Variants in NFIC observed in about 807,000 individuals in gnomAD.
NFIC encodes the protein nuclear factor I C.
NFIC carries 12 observed loss-of-function variants against 54.4 expected under a neutral mutation model. The ratio of observed to expected loss-of-function variants is 0.22; its 90% confidence interval spans 0.14 to 0.36. The LOEUF (loss-of-function observed/expected upper bound fraction) is 0.36, where lower values mean the gene tolerates loss of function less well. NFIC is among the 10% of genes least tolerant of loss of function. The pLI, the probability that NFIC is intolerant of heterozygous loss-of-function variation, is 1.00. For synonymous variants in NFIC, 322 were observed against 319.2 expected (o/e 1.01, Z -0.09); for missense variants, 575 against 718.2 (o/e 0.80, Z 2.28).
At position 3,453,932 on chromosome 19, in the gene NFIC, G is replaced by T. The variant is rs922455917; in HGVS notation, c.1423+16G>T. Reference sequence around the variant, plus strand: ...ACCTCGCCTTGTAAGCACGCGGGAAGCGGTGCCCTGGTGGGGCGGATGTCC... The same window carrying T: ...ACCTCGCCTTGTAAGCACGCGGGAATCGGTGCCCTGGTGGGGCGGATGTCC... On this transcript the variant is annotated intron_variant, in intron 9 of 10. Coordinates refer to ENST00000443272, the MANE Select transcript of NFIC (RefSeq NM_001245002.2). This position sits in a 1 kb window ranked among gnomAD's most constrained non-coding sequence, Gnocchi z 6.7. The T allele has an allele frequency of 6.6e-6, 10 of 1,515,084 alleles. No individual in the cohort carries two copies. Among genetic ancestry groups the T allele is most frequent in the Admixed American group, 2.3e-5 (1 of 43,580 alleles). The allele number at this position is 1,515,084 out of a possible 1,614,324, so 93.9% of individuals were successfully genotyped here.
At chr19:3,367,829 A>G (rs147613186) in intron 1 of NFIC, among the ~76,000 whole-genome samples, 4,267 of 152,260 alleles carry the variant, frequency 0.028, 94 homozygotes, top group South Asian at 0.045. Context: ...GCCCGTCTTA[A>G]GAAGCACTGT....
At position 3,381,702 on chromosome 19, in the gene NFIC, C is replaced by T. The variant is rs2081212461; in HGVS notation, c.31-10C>T. The T allele has an allele frequency of 3.7e-6, 6 of 1,612,628 alleles. No homozygotes were observed. Among genetic ancestry groups the T allele is most frequent in the African/African-American group, 1.3e-5 (1 of 74,928 alleles). Reference sequence around the variant, plus strand: ...TGGCGCTCCTGACCTCTCGCCTCTCCGGCCTGCAGGATGAGTTCCACCCGT... The same window carrying T: ...TGGCGCTCCTGACCTCTCGCCTCTCTGGCCTGCAGGATGAGTTCCACCCGT... On this transcript the variant is annotated splice_polypyrimidine_tract_variant and intron_variant, in intron 1 of 10. Transcript: ENST00000443272.
intron 6 of NFIC, among the ~76,000 whole-genome samples, chr19:3,446,041 C>G (rs2082369285): frequency 6.6e-6 from 1 of 151,526 alleles, no homozygotes; most frequent in Admixed American, 6.6e-5. Context: ...AGAGACCGAT[C>G]TGGCCCCCAC....
At chr19:3,395,125 G>A (rs1270866538) in intron 2 of NFIC, among the ~76,000 whole-genome samples, 9 of 152,092 alleles carry the variant, frequency 5.9e-5, no homozygotes, top group Admixed American at 2.0e-4. Flanking sequence ...TTGGGAAGCC[G>A]AGACGGGCGG....
intron 1 of NFIC, among the ~76,000 whole-genome samples, chr19:3,359,868 C>T (rs1405574235): frequency 1.3e-5 from 2 of 150,696 alleles, no homozygotes; most frequent in African/African-American, 2.4e-5. Context: ...CCCCCCGCAC[C>T]CCGGCTGGGG....
chr19:3,456,796 C>T (rs1385655230), intron 10 of NFIC, 161 bp downstream of exon 10: 5 of 715,256 alleles, frequency 7.0e-6, no homozygotes, highest in Middle Eastern at 2.4e-4. Flanking sequence ...CCCACCTGGC[C>T]TCTCCCTGAG....
At chr19:3,428,063 G>A (rs1189577522) in intron 3 of NFIC, among the ~76,000 whole-genome samples, 3 of 151,894 alleles carry the variant, frequency 2.0e-5, no homozygotes, top group African/African-American at 4.8e-5. Context: ...CCAGCTACCC[G>A]AGAGGCTGAG....
intron 6 of NFIC, among the ~76,000 whole-genome samples, chr19:3,436,026 C>T (rs2082196596): frequency 6.6e-6 from 1 of 151,792 alleles, no homozygotes; most frequent in Non-Finnish European, 1.5e-5. Flanking sequence ...CGGGGTTTCA[C>T]CATGTTGGTC....
intron 5 of NFIC, 75 bp from the exon 6 acceptor site, chr19:3,435,008 T>A: frequency 6.8e-7 from 1 of 1,472,182 alleles, no homozygotes; most frequent in South Asian, 1.3e-5. Context: ...GGACCGGAAG[T>A]AGCAAAGCCC....
rs2082499256 is a variant in NFIC, at chr19:3,453,414, G to A, written c.1270-349G>A. On this transcript the variant is annotated intron_variant, in intron 8 of 10. Coordinates refer to ENST00000443272, the MANE Select transcript of NFIC (RefSeq NM_001245002.2). The surrounding 1 kb of genome is among the most constrained non-coding windows in gnomAD (Gnocchi z 6.7). ...GCCGTGGATGATGGTGGATGATGGC[G>A]TGCTCGCAGTGAATTAGGAAAAACG... 1.3e-5 allele frequency among the ~76,000 whole-genome samples: 2 copies of A among 152,194 alleles called. No individual in the cohort carries two copies. The highest frequency in any genetic ancestry group is 2.9e-5 in the Non-Finnish European group (2 of 68,034).
intron 1 of NFIC, chr19:3,359,763 G>T: frequency 7.5e-7 from 1 of 1,329,950 alleles, no homozygotes; most frequent in East Asian, 3.3e-5. Context: ...AAAGTTGCAA[G>T]ATCTGGGGGG....
At chr19:3,444,830 C>T (rs1288629307) in intron 6 of NFIC, among the ~76,000 whole-genome samples, 1 of 152,220 alleles carries the variant, frequency 6.6e-6, no homozygotes, top group African/African-American at 2.4e-5. Flanking sequence ...TGCACACACG[C>T]ATGCATGCTC....
intron 2 of NFIC, among the ~76,000 whole-genome samples, chr19:3,415,957 G>C (rs1341988793): frequency 1.3e-5 from 2 of 151,940 alleles, no homozygotes; most frequent in Non-Finnish European, 2.9e-5. Context: ...TGGAGTTTGA[G>C]TTCAGCCTGG....
In NFIC at chr19:3,452,782, C is replaced by A; in HGVS notation, c.1269+116C>A. ...TTAAAAGGGTCTTGAGGACTTGGCT[C>A]TGAAGTCCCCTCCTCTGTCGTGCTG... On this transcript the variant is annotated intron_variant, in intron 8 of 10. Transcript: ENST00000443272. This position sits in a 1 kb window ranked among gnomAD's most constrained non-coding sequence, Gnocchi z 5.3. 1 of 1,230,688 alleles carries A rather than the reference C, an allele frequency of 8.1e-7. No homozygotes were observed. Among genetic ancestry groups the A allele is most frequent in the East Asian group, 2.4e-5 (1 of 41,358 alleles). The allele number at this position is 1,230,688 out of a possible 1,614,324, so 76.2% of individuals were successfully genotyped here.
chr19:3,433,544 G>C lies in NFIC; in HGVS notation c.661G>C (p.Val221Leu), dbSNP rs2082153850. 6.2e-7 allele frequency: 1 copy of C among 1,613,966 alleles called. No individual in the cohort carries two copies. The highest frequency in any genetic ancestry group is 2.2e-5 in the East Asian group (1 of 44,878). The change falls in exon 4 of 11, where the codon GTC becomes CTC. Residue 221 changes from valine to leucine, a missense_variant. This residue lies in a region of NFIC where 447 missense variants were observed against 526.9 expected (regional missense o/e 0.85). Coordinates refer to ENST00000443272, the MANE Select transcript of NFIC (RefSeq NM_001245002.2). ...CACGACCGACTTCCAGGAGAGCTTT[G>C]TCACCTCCGGCGTGTTCAGCGTCAC... ...LDTTDFQESFVTSGVFSVTEL... is the reference protein window; with the variant it reads ...LDTTDFQESFLTSGVFSVTEL...
rs1204480718 is a variant in NFIC at position 3,469,118 on chromosome 19, A to G, written c.*6349A>G. 1 of 152,232 alleles carries G rather than the reference A, an allele frequency of 6.6e-6. No homozygotes were observed. The highest frequency in any genetic ancestry group is 2.1e-4 in the South Asian group (1 of 4,830). The allele number at this position is 152,232 out of a possible 1,614,324, so 9.4% of individuals were successfully genotyped here. On this transcript the variant is annotated 3_prime_UTR_variant, in exon 11 of 11. Transcript: ENST00000443272. ...CTATGCAAAAAAAAAATGAAAATGA[A>G]AAAAGGGGGATTCCATAAAAGATTC...
At position 3,463,053 on chromosome 19, in the gene NFIC, ACTGG is replaced by A. The variant is rs2082664574; in HGVS notation, c.*285_*288del. On this transcript the variant is annotated 3_prime_UTR_variant, in exon 11 of 11. Coordinates refer to ENST00000443272, the MANE Select transcript of NFIC (RefSeq NM_001245002.2). Reference sequence around the variant, plus strand: ...ACTCTCGGGACGCCAAGGCCGCAGGACTGGAGGGCCAGGCCCCGCCACCCCCACG... The same window carrying A: ...ACTCTCGGGACGCCAAGGCCGCAGGAAGGGCCAGGCCCCGCCACCCCCACG... The A allele has an allele frequency of 2.2e-6, 3 of 1,333,900 alleles. No individual in the cohort carries two copies. Among genetic ancestry groups the A allele is most frequent in the Non-Finnish European group, 2.9e-6 (3 of 1,045,358 alleles). 82.6% of individuals were successfully genotyped at this position (1,333,900 alleles called of 1,614,324 possible). A position where few individuals can be genotyped will look rare whatever the true frequency, so the allele number is the denominator to read the frequency against.
chr19:3,360,696 G>A (rs1246834819), intron 1 of NFIC, among the ~76,000 whole-genome samples: 2 of 152,248 alleles, frequency 1.3e-5, no homozygotes, highest in African/African-American at 4.8e-5. Context: ...TTGTGCGGCT[G>A]CGGGACACTT....
intron 1 of NFIC, among the ~76,000 whole-genome samples, chr19:3,360,385 C>A (rs28715741): frequency 0.19 from 28,542 of 150,614 alleles, 2,930 homozygotes; most frequent in East Asian, 0.33. Context: ...CTGGGAGGGA[C>A]CCCCGGGTCT....
Sources: allele counts gnomAD v4.1 joint callset (sites outside exome capture counted in the v4.1 genomes callset), GRCh38; gene constraint gnomAD v4.1.1; regional missense constraint gnomAD v4.1.1; non-coding constraint Gnocchi (gnomAD v3.1); transcripts MANE v1.5; gene names NCBI Gene and HGNC (gene_info 2026-07-23, HGNC 2026-07-21).